CCDC30: variants seen among roughly 807,000 people sequenced by gnomAD.
CCDC30 encodes coiled-coil domain-containing protein 30.
Under a neutral mutation model 100.2 loss-of-function variants are expected in CCDC30, and 70 were observed. The ratio of observed to expected loss-of-function variants is 0.70; its 90% CI spans 0.58 to 0.85. The LOEUF (loss-of-function observed/expected upper bound fraction) is 0.85, where lower values mean the gene tolerates loss of function less well. CCDC30 is among the 40% of genes least tolerant of loss of function. CCDC30 has a pLI of 0.00. For synonymous variants in CCDC30, 233 were observed against 269.5 expected, an observed-to-expected ratio of 0.86 and a Z score of 1.33; for missense variants, 652 against 771.2, an observed-to-expected ratio of 0.85 and a Z score of 1.83.
rs12410142 is a variant in CCDC30, at chr1:42,586,956, G to A, written c.1002-2365G>A. On this transcript the variant is annotated intron_variant, in intron 9 of 16. Coordinates refer to ENST00000668663, the Ensembl canonical transcript of CCDC30. ...CAAACTCTATATCAATTAACTTCTC[G>A]CATATTCTTGAGTTGCTCTTTTAAT... Among the ~76,000 whole-genome samples the A allele has an allele frequency of 8.3e-3, 1,261 of 152,112 alleles. 14 individuals are homozygous for A. The highest frequency in any genetic ancestry group is 0.031 in the Admixed American group (473 of 15,264).
At chr1:42,568,250 G>A (rs1303555156) in intron 7 of CCDC30, among the ~76,000 whole-genome samples, 1 of 152,066 alleles carries the variant, frequency 6.6e-6, no homozygotes, top group Non-Finnish European at 1.5e-5. Context: ...GAGTTGCTGG[G>A]ATTATAGGCG....
intron 6 of CCDC30, among the ~76,000 whole-genome samples, chr1:42,512,620 A>T (rs145379603): frequency 3.0e-4 from 45 of 152,294 alleles, no homozygotes; most frequent in Non-Finnish European, 5.4e-4. Context: ...CCATGGATAG[A>T]AAAGAAGGAA....
At chr1:42,522,909 T>G (rs890184629) in intron 6 of CCDC30, among the ~76,000 whole-genome samples, 4 of 152,102 alleles carry the variant, frequency 2.6e-5, no homozygotes, top group African/African-American at 9.7e-5. Flanking sequence ...GGAGTCTCAC[T>G]CTGTTGCCCA....
At chr1:42,502,771 C>A (rs771803513) in intron 6 of CCDC30, among the ~76,000 whole-genome samples, 3 of 152,178 alleles carry the variant, frequency 2.0e-5, no homozygotes, top group Non-Finnish European at 4.4e-5. Context: ...GTACATTTTA[C>A]ATAAGTGGAA....
At chr1:42,494,524 G>C (rs1644199083) in intron 4 of CCDC30, among the ~76,000 whole-genome samples, 1 of 152,156 alleles carries the variant, frequency 6.6e-6, no homozygotes. Context: ...TTAAACTAAA[G>C]AGCTTCTGCA....
At chr1:42,581,051 G>C (rs1645954305) in intron 8 of CCDC30, 1 of 370,276 alleles carries the variant, frequency 2.7e-6, no homozygotes, top group Non-Finnish European at 5.2e-6. Flanking sequence ...TGTTGCCCAG[G>C]CTGGTCTCGA....
chr1:42,493,417 G>A (rs867759057), intron 4 of CCDC30, among the ~76,000 whole-genome samples: 13 of 151,788 alleles, frequency 8.6e-5, no homozygotes, highest in African/African-American at 2.9e-4. Flanking sequence ...GTGAAACCCC[G>A]TGTCTACTAA....
chr1:42,597,214 G>A (rs900268266), intron 10 of CCDC30, among the ~76,000 whole-genome samples: 11 of 152,148 alleles, frequency 7.2e-5, no homozygotes, highest in African/African-American at 2.7e-4. Flanking sequence ...ATAACCAAAG[G>A]AGAAGAAATA....
At chr1:42,459,299 A>T (rs757076682), upstream of CCDC30, 1 of 295,984 alleles carries the variant, frequency 3.4e-6, no homozygotes, top group East Asian at 7.2e-5. Flanking sequence ...AGTAGCTGGG[A>T]CTACAGGTGG....
intron 10 of CCDC30, among the ~76,000 whole-genome samples, chr1:42,610,455 G>C (rs186884761): frequency 6.6e-6 from 1 of 151,986 alleles, no homozygotes; most frequent in South Asian, 2.1e-4. Context: ...ACAGAGTCTG[G>C]CTCTGTCACC....
At chr1:42,562,972 G>C (rs571335800) in intron 6 of CCDC30, among the ~76,000 whole-genome samples, 1 of 152,350 alleles carries the variant, frequency 6.6e-6, no homozygotes, top group African/African-American at 2.4e-5. Context: ...TGACGAGGCT[G>C]TGGAGAAATA....
chr1:42,618,516 G>A (rs1441665249), intron 11 of CCDC30, among the ~76,000 whole-genome samples: 5 of 152,146 alleles, frequency 3.3e-5, no homozygotes, highest in Admixed American at 6.5e-5. Context: ...GATTACAAGC[G>A]TGAGCCATCA....
At chr1:42,638,621 C>A (rs1472621655) in intron 12 of CCDC30, among the ~76,000 whole-genome samples, 1 of 150,330 alleles carries the variant, frequency 6.7e-6, no homozygotes, top group Non-Finnish European at 1.5e-5. Context: ...CGCCTGTAAT[C>A]CCAGCACTTT....
chr1:42,456,821 G>T, the CCDC30 span: 1 of 1,613,350 alleles, frequency 6.2e-7, no homozygotes, highest in African/African-American at 1.3e-5. Flanking sequence ...CTTGTATCGC[G>T]CTCGCTCTGC....
chr1:42,585,783 A>G (rs1003154931), intron 9 of CCDC30, among the ~76,000 whole-genome samples: 2 of 151,486 alleles, frequency 1.3e-5, no homozygotes, highest in Non-Finnish European at 2.9e-5. Context: ...CTCCTTTTTG[A>G]CTCATGTATT....
At chr1:42,553,262 A>G (rs765772777) in intron 6 of CCDC30, among the ~76,000 whole-genome samples, 5 of 151,884 alleles carry the variant, frequency 3.3e-5, no homozygotes, top group Non-Finnish European at 7.4e-5. Flanking sequence ...CTTCAGCTAC[A>G]ACTCAGGGAT....
intron 6 of CCDC30, among the ~76,000 whole-genome samples, chr1:42,507,152 C>A (rs1644407126): frequency 6.6e-6 from 1 of 152,146 alleles, no homozygotes; most frequent in African/African-American, 2.4e-5. Context: ...GTCTCTAACT[C>A]CTGACCTCAG....
downstream of CCDC30, among the ~76,000 whole-genome samples, chr1:42,656,121 T>G (rs1386267212): frequency 6.6e-6 from 1 of 152,236 alleles, no homozygotes; most frequent in Admixed American, 6.5e-5. Flanking sequence ...TCCTCCCACC[T>G]AAGCCTCCTA....
intron 10 of CCDC30, among the ~76,000 whole-genome samples, chr1:42,604,253 T>C (rs1646462004): frequency 6.6e-6 from 1 of 152,290 alleles, no homozygotes; most frequent in South Asian, 2.1e-4. Flanking sequence ...GAATGGTTTG[T>C]TAATTTTAGA....
Sources: gnomAD v4.1 joint callset for allele counts (sites outside exome capture counted in the v4.1 genomes callset) on GRCh38, gnomAD v4.1.1 for gene constraint, MANE v1.5 for transcripts, NCBI Gene and HGNC (gene_info 2026-07-23, HGNC 2026-07-21) for gene names.